The following WTAP variants were observed in gnomAD, a reference collection of about 807,000 sequenced individuals.
WTAP encodes WT1 associated protein, also known as pre-mRNA-splicing regulator WTAP.
A neutral mutation model predicts 50.0 loss-of-function variants in WTAP; 8 were observed. The observed-to-expected ratio is 0.16, with a 90% CI of 0.09 to 0.29. The LOEUF is 0.29. Ranked by LOEUF, WTAP falls within the 10% of genes least tolerant of loss-of-function variation. WTAP has a pLI of 1.00. For synonymous variants in WTAP, 194 were observed against 169.0 expected (o/e 1.15, Z -1.15); for missense variants, 295 against 470.7 (o/e 0.63, Z 3.45).
chr6:159,741,170 A>G (rs1389982440), intron 3 of WTAP, among the ~76,000 whole-genome samples: 1 of 152,186 alleles, frequency 6.6e-6, no homozygotes, highest in East Asian at 1.9e-4. Context: ...GAACTGCCTA[A>G]TAAGACTAGG....
At chr6:159,731,808 T>C (rs1778587264) in intron 1 of WTAP, among the ~76,000 whole-genome samples, 1 of 152,230 alleles carries the variant, frequency 6.6e-6, no homozygotes, top group African/African-American at 2.4e-5. Context: ...CTTTTGTATT[T>C]GCAAAGTTGA....
Position 159,727,602 on chromosome 6 carries a change from C to T in WTAP, c.-110C>T. On this transcript the variant is annotated 5_prime_UTR_variant, in exon 1 of 8. Coordinates refer to ENST00000621533, the MANE Select transcript of WTAP (RefSeq NM_001270531.2). ...GAGCGCGGCGGGGCCGGCGGCAGAG[C>T]TGTCCGGCTGCGCGGTGGCCCGGGG... 1 of 986,480 alleles carries T rather than the reference C, an allele frequency of 1.0e-6. No individual in the cohort carries two copies. The highest frequency in any genetic ancestry group is 1.2e-6 in the Non-Finnish European group (1 of 830,760). The allele number at this position is 986,480 out of a possible 1,614,324, so 61.1% of individuals were successfully genotyped here.
At chr6:159,729,915 T>A (rs1778464859) in intron 1 of WTAP, among the ~76,000 whole-genome samples, 1 of 152,158 alleles carries the variant, frequency 6.6e-6, no homozygotes, top group African/African-American at 2.4e-5. Context: ...GGTACTGGGA[T>A]CTGGGATGCT....
chr6:159,750,565 T>G (rs1455766179), intron 6 of WTAP, among the ~76,000 whole-genome samples: 1 of 152,250 alleles, frequency 6.6e-6, no homozygotes, highest in Non-Finnish European at 1.5e-5. Context: ...ACAGTTATTT[T>G]ATGTATATTG....
upstream of WTAP, chr6:159,727,275 C>T (rs1213018010): frequency 2.3e-6 from 3 of 1,282,924 alleles, no homozygotes; most frequent in South Asian, 1.2e-5. Flanking sequence ...CCTTTCCTCT[C>T]CTGGCGGGGT....
In WTAP at chr6:159,747,195, T is replaced by C. The variant is rs567924383; in HGVS notation, c.274-996T>C. On this transcript the variant is annotated intron_variant, in intron 5 of 7. Coordinates refer to ENST00000621533, the MANE Select transcript of WTAP (RefSeq NM_001270531.2). ...TTTGAGTATGAAGAAAATGATGAAT[T>C]TAATGCTAATAACTATATTTCATAT... 2.6e-4 allele frequency among the ~76,000 whole-genome samples: 39 copies of C among 152,296 alleles called. No individual in the cohort carries two copies. In the South Asian group the frequency reaches 7.9e-3, roughly 31 times the overall value.
chr6:159,727,524 G>A lies in WTAP; in HGVS notation c.-188G>A, dbSNP rs1778261661. On this transcript the variant is annotated 5_prime_UTR_variant, in exon 1 of 8. It adds an upstream start codon to the 5' untranslated region. Transcript: ENST00000621533. ...TGGTTTCCTCCCTCAGCGCCATTTT[G>A]TGGCAGCGAGACCCACAAATAAAGG... 2 of 992,424 alleles carry A rather than the reference G, an allele frequency of 2.0e-6. No individual in the cohort carries two copies. Among genetic ancestry groups the A allele is most frequent in the Non-Finnish European group, 2.4e-6 (2 of 835,314 alleles). 61.5% of individuals were successfully genotyped at this position (992,424 alleles called of 1,614,324 possible).
Position 159,755,641 on chromosome 6 carries a change from C to T in WTAP, c.*30C>T, listed in dbSNP as rs764336610. 3.2e-6 allele frequency: 5 copies of T among 1,539,130 alleles called. No homozygotes were observed. In the Admixed American group the frequency reaches 7.9e-5, roughly 24 times the overall value. ...TTTTCAGCAAATTTTTATACAGTGT[C>T]ATTTAATTTGGGAGAGGATACTGTC... On this transcript the variant is annotated 3_prime_UTR_variant, in exon 8 of 8. Transcript: ENST00000621533.
At chr6:159,741,996 A>G in intron 3 of WTAP, 92 bp from the exon 4 acceptor site, 1 of 907,650 alleles carries the variant, frequency 1.1e-6, no homozygotes, top group Non-Finnish European at 1.7e-6. Context: ...AATGCTCAGT[A>G]TTACTAAAAT....
chr6:159,729,038 G>C (rs1212448818), intron 1 of WTAP, among the ~76,000 whole-genome samples: 1 of 152,128 alleles, frequency 6.6e-6, no homozygotes, highest in East Asian at 1.9e-4. Flanking sequence ...AAATATTTTT[G>C]TGTATTGTTT....
upstream of WTAP, chr6:159,726,942 A>G (rs1350786925): frequency 3.9e-6 from 5 of 1,288,212 alleles, no homozygotes; most frequent in Middle Eastern, 2.3e-4. Context: ...ACGCGGAAGC[A>G]TCACGGATGA....
chr6:159,739,898 T>C (rs796275367), intron 3 of WTAP, among the ~76,000 whole-genome samples: 10 of 148,134 alleles, frequency 6.8e-5, no homozygotes, highest in African/African-American at 2.5e-4. Context: ...TTGCATACCT[T>C]TGTCTTTCTG....
chr6:159,748,211 G>A lies in WTAP; in HGVS notation c.294G>A (p.Lys98=), dbSNP rs1289335531. Residue 98 remains lysine (K), a synonymous_variant, in exon 6 of 8, where the codon AAG becomes AAA. Coordinates refer to ENST00000621533, the MANE Select transcript of WTAP (RefSeq NM_001270531.2). The surrounding 1 kb of genome is among the most constrained non-coding windows in gnomAD (Gnocchi z 5.6). ...QECTTQIQYL[K]QVQQPSVAQL... is the part of the protein sequence containing the mutation. ...CACAGACTCAAATCCAGTACCTCAAGCAAGTCCAGCAGCCGAGCGTTGCCC... is the reference window on the plus strand; with the variant it reads ...CACAGACTCAAATCCAGTACCTCAAACAAGTCCAGCAGCCGAGCGTTGCCC... The A allele has an allele frequency of 6.2e-7, 1 of 1,613,948 alleles. No individual in the cohort carries two copies. The highest frequency in any genetic ancestry group is 8.5e-7 in the Non-Finnish European group (1 of 1,179,908).
Position 159,756,013 on chromosome 6 carries a change from GCA to G in WTAP, c.*404_*405del, listed in dbSNP as rs1780001945. ...GTACTCATGCTGTTACTGTACTTATGCACCATTCAGACTTGTTAGAGTAGATG... is the reference window on the plus strand; with the variant it reads ...GTACTCATGCTGTTACTGTACTTATGCCATTCAGACTTGTTAGAGTAGATG... On this transcript the variant is annotated 3_prime_UTR_variant, in exon 8 of 8. Coordinates refer to ENST00000621533, the MANE Select transcript of WTAP (RefSeq NM_001270531.2). The G allele has an allele frequency of 6.1e-6, 1 of 163,920 alleles. No homozygotes were observed. Among genetic ancestry groups the G allele is most frequent in the Non-Finnish European group, 1.3e-5 (1 of 75,452 alleles). The allele number at this position is 163,920 out of a possible 1,614,324, so 10.2% of individuals were successfully genotyped here. A position where few individuals can be genotyped will look rare whatever the true frequency, so the allele number is the denominator to read the frequency against.
chr6:159,736,704 C>T (rs763977003), intron 2 of WTAP: 1 of 154,156 alleles, frequency 6.5e-6, no homozygotes, highest in Non-Finnish European at 1.4e-5. Context: ...TTAAAAACTA[C>T]TTTATTAAAA....
chr6:159,727,830 C>G (rs1778296288), intron 1 of WTAP, 127 bp downstream of exon 1: 2 of 672,048 alleles, frequency 3.0e-6, no homozygotes, highest in African/African-American at 1.9e-5. Flanking sequence ...TGGTGCGGCA[C>G]CGGTCTCTCG....
rs1381635593 is a variant in WTAP, at chr6:159,727,622, C to G, written c.-90C>G. ...CAGAGCTGTCCGGCTGCGCGGTGGCCCGGGGGGCCCGGGCGGCAGGGCAAG... is the reference window on the plus strand; with the variant it reads ...CAGAGCTGTCCGGCTGCGCGGTGGCGCGGGGGGCCCGGGCGGCAGGGCAAG... On this transcript the variant is annotated 5_prime_UTR_variant, in exon 1 of 8. Coordinates refer to ENST00000621533, the MANE Select transcript of WTAP (RefSeq NM_001270531.2). 2.0e-6 allele frequency: 2 copies of G among 985,988 alleles called. No individual in the cohort carries two copies. Among genetic ancestry groups the G allele is most frequent in the African/African-American group, 1.7e-5 (1 of 57,240 alleles). 61.1% of individuals were successfully genotyped at this position (985,988 alleles called of 1,614,324 possible).
intron 1 of WTAP, among the ~76,000 whole-genome samples, chr6:159,731,179 A>G (rs996526111): frequency 6.6e-6 from 1 of 151,372 alleles, no homozygotes; most frequent in Non-Finnish European, 1.5e-5. Context: ...CAATAATTGC[A>G]GGCTGGGCAT....
intron 6 of WTAP, 144 bp from the exon 7 acceptor site, chr6:159,753,316 C>A: frequency 8.4e-7 from 1 of 1,184,078 alleles, no homozygotes; most frequent in Non-Finnish European, 1.2e-6. Flanking sequence ...TGGATGTGTC[C>A]CAGAAAAGAA....
Sources: allele counts gnomAD v4.1 joint callset (sites outside exome capture counted in the v4.1 genomes callset), GRCh38; gene constraint gnomAD v4.1.1; non-coding constraint Gnocchi (gnomAD v3.1); transcripts MANE v1.5; gene names NCBI Gene and HGNC (gene_info 2026-07-23, HGNC 2026-07-21).